TMEM97: variants seen among roughly 807,000 people sequenced by gnomAD.
TMEM97 encodes sigma intracellular receptor 2.
In TMEM97, 13 loss-of-function variants were observed where a neutral mutation model predicts 18.3. The observed-to-expected ratio is 0.71, with a 90% confidence interval of 0.46 to 1.13. TMEM97 has a LOEUF of 1.13. Ranked by LOEUF, TMEM97 falls within the 50% of genes most tolerant of loss-of-function variation. TMEM97 has a pLI of 0.00. For synonymous variants in TMEM97, 76 were observed against 85.3 expected, an observed-to-expected ratio of 0.89 and a Z score of 0.60; for missense variants, 205 against 210.5, an observed-to-expected ratio of 0.97 and a Z score of 0.16.
Position 28,328,446 on chromosome 17 carries a change from G to A in TMEM97, c.*1653G>A. 1.8e-6 allele frequency: 1 copy of A among 567,314 alleles called. No homozygotes were observed. The highest frequency in any genetic ancestry group is 3.4e-5 in the Admixed American group (1 of 29,064). The allele number at this position is 567,314 out of a possible 1,614,324, so 35.1% of individuals were successfully genotyped here. A position where few individuals can be genotyped will look rare whatever the true frequency, so the allele number is the denominator to read the frequency against. The stretch of plus-strand genomic sequence containing the variant: ...AGCATAAGAGGTGAGAACGTACACT[G>A]CAGGGCCACCAGCAGCAGCTGTGCA... On this transcript the variant is annotated 3_prime_UTR_variant, in exon 3 of 3. Transcript: ENST00000226230.
intron 1 of TMEM97, among the ~76,000 whole-genome samples, chr17:28,323,023 C>A (rs782013650): frequency 6.6e-6 from 1 of 152,214 alleles, no homozygotes; most frequent in Non-Finnish European, 1.5e-5. Context: ...CACTCTCTTA[C>A]CAATAGTGAA....
At position 28,326,775 on chromosome 17, in the gene TMEM97, G is replaced by T. The variant is rs536818205; in HGVS notation, c.513G>T (p.Glu171Asp). 8.1e-6 allele frequency: 13 copies of T among 1,596,528 alleles called. No individual in the cohort carries two copies. Among genetic ancestry groups the T allele is most frequent in the South Asian group, 4.5e-5 (4 of 88,342 alleles). ...GGAGCCCCTACTACAAGTATGAAGAGAAAAGAAAAAAAAAATGAAGGAAAC... is the reference window on the plus strand; with the variant it reads ...GGAGCCCCTACTACAAGTATGAAGATAAAAGAAAAAAAAAATGAAGGAAAC... ...MLRSPYYKYE[E>D]KRKKK The change falls in exon 3 of 3, where the codon GAG becomes GAT. Residue 171 changes from glutamate (E) to aspartate (D), a missense_variant. Glu to Asp is a conservative substitution (Grantham distance 45). Coordinates refer to ENST00000226230, the MANE Select transcript of TMEM97 (RefSeq NM_014573.3).
chr17:28,325,926 T>G, intron 2 of TMEM97: 1 of 458,380 alleles, frequency 2.2e-6, no homozygotes, highest in Non-Finnish European at 3.9e-6. Context: ...TTGTTCCCTT[T>G]TGTTTTGTTC....
chr17:28,319,506 C>A, intron 1 of TMEM97, 141 bp downstream of exon 1: 2 of 1,054,208 alleles, frequency 1.9e-6, no homozygotes, highest in Middle Eastern at 3.0e-4. Flanking sequence ...CGCTCCTAAC[C>A]CAACTTTAGT....
At chr17:28,326,385 C>A in intron 2 of TMEM97, 149 bp from the exon 3 acceptor site, 1 of 861,910 alleles carries the variant, frequency 1.2e-6, no homozygotes, top group Non-Finnish European at 1.8e-6. Context: ...GCATGTTGGG[C>A]AGTGTGGCAC....
rs1296322790 is a variant in TMEM97 at position 28,327,412 on chromosome 17, C to T, written c.*619C>T. On this transcript the variant is annotated 3_prime_UTR_variant, in exon 3 of 3. Coordinates refer to ENST00000226230, the MANE Select transcript of TMEM97 (RefSeq NM_014573.3). ...CACCGCAAGATTACTAAAAGCAGGA[C>T]CAGACCAGAAACTGCTAAAGAACAT... 6 of 153,466 alleles carry T rather than the reference C, an allele frequency of 3.9e-5. No homozygotes were observed. The highest frequency in any genetic ancestry group is 1.4e-4 in the African/African-American group (6 of 41,430). 9.5% of individuals were successfully genotyped at this position (153,466 alleles called of 1,614,324 possible). A position where few individuals can be genotyped will look rare whatever the true frequency, so the allele number is the denominator to read the frequency against.
intron 1 of TMEM97, among the ~76,000 whole-genome samples, chr17:28,321,172 A>G (rs529364114): frequency 4.6e-5 from 7 of 152,312 alleles, no homozygotes; most frequent in East Asian, 3.9e-4. Context: ...GTGTTGGCCT[A>G]TCTGTGGTTT....
intron 1 of TMEM97, 138 bp downstream of exon 1, chr17:28,319,503 A>C: frequency 9.2e-7 from 1 of 1,085,792 alleles, no homozygotes; most frequent in Non-Finnish European, 1.2e-6. Context: ...CCCCGCTCCT[A>C]ACCCAACTTT....
intron 1 of TMEM97, among the ~76,000 whole-genome samples, chr17:28,324,290 C>A (rs1417421867): frequency 2.0e-5 from 3 of 152,150 alleles, no homozygotes; most frequent in African/African-American, 7.2e-5. Context: ...ATCCTTTGGT[C>A]AATAAATTGG....
intron 1 of TMEM97, among the ~76,000 whole-genome samples, chr17:28,321,594 T>G (rs1367321813): frequency 1.3e-5 from 2 of 152,158 alleles, no homozygotes; most frequent in Non-Finnish European, 2.9e-5. Context: ...CCACCACACC[T>G]GGCTAATTTT....
intron 1 of TMEM97, among the ~76,000 whole-genome samples, chr17:28,324,966 C>G (rs1425326225): frequency 6.6e-6 from 1 of 151,964 alleles, no homozygotes; most frequent in South Asian, 2.1e-4. Flanking sequence ...CTCCCACCCC[C>G]ACCCCGCAAA....
chr17:28,325,763 C>A, intron 2 of TMEM97, 116 bp downstream of exon 2: 2 of 1,418,040 alleles, frequency 1.4e-6, no homozygotes, highest in Non-Finnish European at 9.7e-7. Flanking sequence ...GAGAATGCTA[C>A]AGGATCTGGG....
intron 1 of TMEM97, among the ~76,000 whole-genome samples, chr17:28,320,480 G>A (rs781865678): frequency 9.2e-5 from 14 of 152,208 alleles, no homozygotes; most frequent in Non-Finnish European, 1.3e-4. Context: ...CGTAGGTAGC[G>A]TGTAGCAAGT....
At position 28,327,812 on chromosome 17, in the gene TMEM97, A is replaced by C. The variant is rs527680824; in HGVS notation, c.*1019A>C. Reference sequence around the variant, plus strand: ...TTTTTTGTTTGTTTGCTTTTAAATTAGTTTATTTCTAAATCTTAGTCTTCC... The same window carrying C: ...TTTTTTGTTTGTTTGCTTTTAAATTCGTTTATTTCTAAATCTTAGTCTTCC... On this transcript the variant is annotated 3_prime_UTR_variant, in exon 3 of 3. Transcript: ENST00000226230. The C allele has an allele frequency of 2.0e-5, 3 of 152,338 alleles. No homozygotes were observed. The highest frequency in any genetic ancestry group is 3.9e-4 in the East Asian group (2 of 5,190). The allele number at this position is 152,338 out of a possible 1,614,324, so 9.4% of individuals were successfully genotyped here. A position where few individuals can be genotyped will look rare whatever the true frequency, so the allele number is the denominator to read the frequency against.
rs782559996 is a variant in TMEM97 at position 28,326,884 on chromosome 17, T to TC, written c.*92dup. 5.9e-5 allele frequency: 86 copies of TC among 1,448,478 alleles called. No homozygotes were observed. The highest frequency in any genetic ancestry group is 7.7e-5 in the Non-Finnish European group (83 of 1,081,766). The allele number at this position is 1,448,478 out of a possible 1,614,324, so 89.7% of individuals were successfully genotyped here. A position where few individuals can be genotyped will look rare whatever the true frequency, so the allele number is the denominator to read the frequency against. ...GGAACACTGCTCAGAACCCACGTCT[T>TC]CAGCAGCATTTGAAACACTGGCAGC... On this transcript the variant is annotated 3_prime_UTR_variant, in exon 3 of 3. Transcript: ENST00000226230.
Position 28,319,200 on chromosome 17 carries a change from C to T in TMEM97, c.-40C>T, listed in dbSNP as rs560747844. 11 of 1,554,868 alleles carry T rather than the reference C, an allele frequency of 7.1e-6. No homozygotes were observed. Among genetic ancestry groups the T allele is most frequent in the Non-Finnish European group, 1.7e-6 (2 of 1,149,376 alleles). On this transcript the variant is annotated 5_prime_UTR_variant, in exon 1 of 3. Coordinates refer to ENST00000226230, the MANE Select transcript of TMEM97 (RefSeq NM_014573.3). ...CTGGGAAGGCGCGCGGATTTGGCCCCTCTTCTCACATCAGCGGGTCCAGGC... is the reference window on the plus strand; with the variant it reads ...CTGGGAAGGCGCGCGGATTTGGCCCTTCTTCTCACATCAGCGGGTCCAGGC...
chr17:28,322,278 C>G (rs1327172788), intron 1 of TMEM97, among the ~76,000 whole-genome samples: 1 of 149,206 alleles, frequency 6.7e-6, no homozygotes, highest in African/African-American at 2.5e-5. Context: ...GAGACAGTCT[C>G]TTGTCGCCCA....
chr17:28,321,639 C>A (rs1906144614), intron 1 of TMEM97, among the ~76,000 whole-genome samples: 1 of 152,152 alleles, frequency 6.6e-6, no homozygotes, highest in African/African-American at 2.4e-5. Flanking sequence ...TACTGTGTTA[C>A]CCAGGCTGGT....
In TMEM97 at chr17:28,319,261, C is replaced by A; in HGVS notation, c.22C>A (p.Arg8Ser). 1 of 1,609,816 alleles carries A rather than the reference C, an allele frequency of 6.2e-7. No individual in the cohort carries two copies. The highest frequency in any genetic ancestry group is 1.3e-5 in the African/African-American group (1 of 74,694). MGAPATR[R>S]CVEWLLGLYF... ...GACTATGGGGGCTCCGGCAACCAGG[C>A]GCTGCGTGGAGTGGCTGCTGGGCCT... The change falls in exon 1 of 3, where the codon CGC becomes AGC. Residue 8 changes from arginine (R) to serine (S), a missense_variant. Transcript: ENST00000226230.
Sources: allele counts gnomAD v4.1 joint callset (sites outside exome capture counted in the v4.1 genomes callset), GRCh38; gene constraint gnomAD v4.1.1; transcripts MANE v1.5; gene names NCBI Gene and HGNC (gene_info 2026-07-23, HGNC 2026-07-21).